The following MACROH2A1 variants were observed in gnomAD, a reference collection of about 807,000 sequenced individuals.
MACROH2A1 encodes macroH2A.1 histone.
A neutral mutation model predicts 31.6 loss-of-function variants in MACROH2A1; 2 were observed. The ratio of observed to expected loss-of-function variants is 0.06; its 90% CI spans 0.03 to 0.20. The LOEUF (loss-of-function observed/expected upper bound fraction) is 0.20, where lower values mean the gene tolerates loss of function less well. MACROH2A1 is among the 10% of genes least tolerant of loss of function. MACROH2A1 has a pLI of 1.00. For synonymous variants in MACROH2A1, 169 were observed against 189.6 expected, an observed-to-expected ratio of 0.89 and a Z score of 0.89; for missense variants, 230 against 474.0, an observed-to-expected ratio of 0.49 and a Z score of 4.78.
intron 8 of MACROH2A1, among the ~76,000 whole-genome samples, chr5:135,337,030 G>T (rs529125651): frequency 3.3e-5 from 5 of 152,316 alleles, no homozygotes; most frequent in African/African-American, 1.2e-4. Context: ...GGGGCTGCAG[G>T]GTGCTGAGAG....
In MACROH2A1 at chr5:135,369,331, G is replaced by A. The variant is rs1056000516; in HGVS notation, c.477+75C>T. 4.2e-6 allele frequency: 5 copies of A among 1,199,092 alleles called. No homozygotes were observed. The East Asian group carries it at 1.2e-4, about 28-fold the overall frequency. 74.3% of individuals were successfully genotyped at this position (1,199,092 alleles called of 1,614,324 possible). A position where few individuals can be genotyped will look rare whatever the true frequency, so the allele number is the denominator to read the frequency against. ...TGGGATGAGCCCACAGGGGGAATGA[G>A]GGGGGTGCCCTGGTAACCCTGTTTA... On this transcript the variant is annotated intron_variant, in intron 4 of 8. Transcript: ENST00000511689. The surrounding 1 kb of genome is among the most constrained non-coding windows in gnomAD (Gnocchi z 4.3).
At chr5:135,360,123 A>C in intron 5 of MACROH2A1, 1 of 278,554 alleles carries the variant, frequency 3.6e-6, no homozygotes, top group Non-Finnish European at 7.0e-6. Context: ...GCTGCCGGCT[A>C]GGTTGTTCAC....
chr5:135,366,729 T>TG (rs1192623454), intron 4 of MACROH2A1, among the ~76,000 whole-genome samples: 1 of 151,992 alleles, frequency 6.6e-6, no homozygotes, highest in East Asian at 1.9e-4. Context: ...GGGAGCAAAA[T>TG]TTTTTTTACT....
intron 6 of MACROH2A1, chr5:135,351,132 T>G (rs1761484957): frequency 6.9e-6 from 3 of 437,198 alleles, no homozygotes; most frequent in African/African-American, 2.0e-5. Flanking sequence ...AACATTTGAA[T>G]GAGAAGTCCA....
chr5:135,343,205 T>A, intron 8 of MACROH2A1, 55 bp downstream of exon 8: 5 of 1,608,598 alleles, frequency 3.1e-6, no homozygotes, highest in Non-Finnish European at 4.2e-6. Flanking sequence ...TTATGGGCCA[T>A]GTGTGCGCAG....
chr5:135,354,482 G>T (rs1761939953), intron 5 of MACROH2A1: 1 of 152,712 alleles, frequency 6.5e-6, no homozygotes, highest in Non-Finnish European at 1.5e-5. Flanking sequence ...ACTCAGAGAA[G>T]AGGACCAAGT....
At chr5:135,394,231 C>T (rs1195690661) in intron 1 of MACROH2A1, among the ~76,000 whole-genome samples, 1 of 152,202 alleles carries the variant, frequency 6.6e-6, no homozygotes, top group Non-Finnish European at 1.5e-5. Flanking sequence ...CTTCAGCACA[C>T]CCAGCATGCT....
intron 5 of MACROH2A1, chr5:135,355,121 C>G (rs1762015105): frequency 2.2e-6 from 1 of 455,932 alleles, no homozygotes; most frequent in South Asian, 1.5e-5. Context: ...CTTCAGCTAG[C>G]CAGGAAGACC....
rs1768281873 is a variant in MACROH2A1 at position 135,398,193 on chromosome 5, C to G, written c.-34+869G>C. ...CAACTCCTTGAGTGATCTGTGGCCC[C>G]TGCAGGAGTGGGGGTAGGGAGCGCC... On this transcript the variant is annotated intron_variant, in intron 1 of 8. Transcript: ENST00000511689. The surrounding 1 kb of genome is among the most constrained non-coding windows in gnomAD (Gnocchi z 4.6). 6.6e-6 allele frequency among the ~76,000 whole-genome samples: 1 copy of G among 152,154 alleles called. No homozygotes were observed. The highest frequency in any genetic ancestry group is 2.4e-5 in the African/African-American group (1 of 41,438).
chr5:135,362,375 A>C (rs984676105), intron 4 of MACROH2A1: 1 of 152,220 alleles, frequency 6.6e-6, no homozygotes, highest in African/African-American at 2.4e-5. Context: ...TAAATCTAAC[A>C]CTATTCTAAA....
At chr5:135,360,183 C>T in intron 5 of MACROH2A1, 3 of 363,886 alleles carry the variant, frequency 8.2e-6, no homozygotes, top group Non-Finnish European at 1.0e-5. Flanking sequence ...CTGGTGCTAT[C>T]TGATGACCAG....
chr5:135,366,691 G>T (rs1763546718), intron 4 of MACROH2A1, among the ~76,000 whole-genome samples: 1 of 152,100 alleles, frequency 6.6e-6, no homozygotes, highest in Non-Finnish European at 1.5e-5. Context: ...AGTGTGCCCT[G>T]GGGAGAAGTA....
intron 1 of MACROH2A1, among the ~76,000 whole-genome samples, chr5:135,391,855 C>G (rs1197896378): frequency 1.3e-5 from 2 of 152,226 alleles, no homozygotes; most frequent in East Asian, 3.9e-4. Context: ...CTCTTTACTT[C>G]TGACCTATTC....
chr5:135,342,340 G>A (rs1760035504), intron 8 of MACROH2A1, among the ~76,000 whole-genome samples: 1 of 152,154 alleles, frequency 6.6e-6, no homozygotes. Flanking sequence ...TCAGAATGGG[G>A]GTTAATTTAC....
At chr5:135,394,746 T>C (rs535723582) in intron 1 of MACROH2A1, among the ~76,000 whole-genome samples, 2 of 152,316 alleles carry the variant, frequency 1.3e-5, no homozygotes, top group African/African-American at 2.4e-5. Flanking sequence ...TCATTGCCTA[T>C]TTACCTGTCT....
intron 2 of MACROH2A1, among the ~76,000 whole-genome samples, chr5:135,372,757 A>G (rs1432235523): frequency 6.6e-6 from 1 of 152,170 alleles, no homozygotes. Flanking sequence ...GCAATGGAAC[A>G]TGAAGGAGAG....
At chr5:135,353,136 C>T (rs765199749) in intron 5 of MACROH2A1, 91 bp from the exon 6 acceptor site, 16 of 802,436 alleles carry the variant, frequency 2.0e-5, no homozygotes, top group Non-Finnish European at 3.3e-5. Flanking sequence ...ACAGTGGACA[C>T]TCCAAGTGCA....
chr5:135,345,224 G>A (rs1042919183), intron 7 of MACROH2A1: 2 of 152,162 alleles, frequency 1.3e-5, no homozygotes, highest in African/African-American at 4.8e-5. Flanking sequence ...AGAGGTGCAC[G>A]GCCTGGTGGA....
chr5:135,345,569 G>C (rs1452563357), intron 7 of MACROH2A1: 1 of 162,468 alleles, frequency 6.2e-6, no homozygotes, highest in Non-Finnish European at 1.3e-5. Flanking sequence ...ATTGGCAAAT[G>C]AGAAATGTGT....
Sources: allele counts gnomAD v4.1 joint callset (sites outside exome capture counted in the v4.1 genomes callset), GRCh38; gene constraint gnomAD v4.1.1; non-coding constraint Gnocchi (gnomAD v3.1); transcripts MANE v1.5; gene names NCBI Gene and HGNC (gene_info 2026-07-23, HGNC 2026-07-21).